Variants in BMAL1 observed in about 807,000 individuals in gnomAD.
BMAL1 encodes basic helix-loop-helix ARNT-like protein 1.
chr11:13,336,255 T>C, the BMAL1 span, among the ~76,000 whole-genome samples: 1 of 152,192 alleles, frequency 6.6e-6, no homozygotes, highest in South Asian at 2.1e-4. Flanking sequence ...TGTCATATTT[T>C]TTCATTTTTG....
At chr11:13,293,255 A>G in the BMAL1 span, among the ~76,000 whole-genome samples, 2 of 152,252 alleles carry the variant, frequency 1.3e-5, no homozygotes, top group Admixed American at 1.3e-4. Context: ...TTAGGTTGTC[A>G]GTAAAAGGAA....
At chr11:13,385,755 C>G in the BMAL1 span, 42 of 1,613,300 alleles carry the variant, frequency 2.6e-5, no homozygotes, top group East Asian at 8.9e-4. Flanking sequence ...TCAGGAGAAC[C>G]CAGGTTATCC....
chr11:13,321,576 G>A, the BMAL1 span, among the ~76,000 whole-genome samples: 1 of 152,144 alleles, frequency 6.6e-6, no homozygotes, highest in Non-Finnish European at 1.5e-5. Context: ...CTGAACATAT[G>A]AGAACACTGC....
At chr11:13,364,944 C>A in the BMAL1 span, among the ~76,000 whole-genome samples, 2 of 151,968 alleles carry the variant, frequency 1.3e-5, no homozygotes. Flanking sequence ...TTTAAAAATA[C>A]CCCAGTGATC....
chr11:13,373,983 T>A, the BMAL1 span: 1 of 865,826 alleles, frequency 1.2e-6, no homozygotes, highest in Non-Finnish European at 1.8e-6. Context: ...CTCTTTTGCC[T>A]GCAGCTTTGA....
chr11:13,381,396 G>C, the BMAL1 span: 2 of 786,258 alleles, frequency 2.5e-6, no homozygotes, highest in Non-Finnish European at 4.2e-6. Context: ...ATCTGTGTGA[G>C]GCTGGATACA....
chr11:13,385,946 A>C, the BMAL1 span, among the ~76,000 whole-genome samples: 1 of 152,266 alleles, frequency 6.6e-6, no homozygotes, highest in Non-Finnish European at 1.5e-5. Context: ...ATCTCTAAAA[A>C]GTTGACCAGT....
the BMAL1 span, among the ~76,000 whole-genome samples, chr11:13,309,682 T>G: frequency 6.6e-6 from 1 of 152,134 alleles, no homozygotes; most frequent in African/African-American, 2.4e-5. Flanking sequence ...TTAACAGGTC[T>G]CTTCTCTTAA....
the BMAL1 span, among the ~76,000 whole-genome samples, chr11:13,277,440 G>C: frequency 6.6e-6 from 1 of 152,204 alleles, no homozygotes; most frequent in Non-Finnish European, 1.5e-5. Flanking sequence ...AGGAACCCAG[G>C]GAGCGCGCGC....
At chr11:13,325,909 A>G in the BMAL1 span, among the ~76,000 whole-genome samples, 1 of 151,970 alleles carries the variant, frequency 6.6e-6, no homozygotes, top group South Asian at 2.1e-4. Flanking sequence ...AAGCGGGGAA[A>G]GAGTAGAACA....
At chr11:13,333,159 G>T in the BMAL1 span, among the ~76,000 whole-genome samples, 2 of 152,022 alleles carry the variant, frequency 1.3e-5, no homozygotes, top group Non-Finnish European at 2.9e-5. Flanking sequence ...TAGAGACGGG[G>T]TTTTGCCATG....
the BMAL1 span, chr11:13,366,825 A>C: frequency 6.5e-7 from 1 of 1,536,090 alleles, no homozygotes; most frequent in Non-Finnish European, 9.0e-7. Context: ...CAGCCCACTC[A>C]CAGGCAGCCA....
chr11:13,280,462 G>T, the BMAL1 span, among the ~76,000 whole-genome samples: 1 of 152,174 alleles, frequency 6.6e-6, no homozygotes, highest in African/African-American at 2.4e-5. Context: ...TTGGTGTAAG[G>T]GTTATAATGT....
At chr11:13,348,447 A>C in the BMAL1 span, among the ~76,000 whole-genome samples, 2 of 152,202 alleles carry the variant, frequency 1.3e-5, no homozygotes, top group South Asian at 4.2e-4. Flanking sequence ...AGACGACAGC[A>C]GACTGAACAG....
chr11:13,356,216 CT>C, the BMAL1 span: 6 of 453,472 alleles, frequency 1.3e-5, no homozygotes, highest in Non-Finnish European at 2.7e-5. Flanking sequence ...GCAGTAGTGC[CT>C]TTGAAAAGCT....
chr11:13,277,521 A>G, the BMAL1 span: 2 of 151,808 alleles, frequency 1.3e-5, no homozygotes, highest in African/African-American at 4.8e-5. Flanking sequence ...TAGCAGGTAA[A>G]CCGGCTCCCG....
chr11:13,309,689 T>C, the BMAL1 span, among the ~76,000 whole-genome samples: 6 of 152,116 alleles, frequency 3.9e-5, no homozygotes, highest in Non-Finnish European at 5.9e-5. Flanking sequence ...GTCTCTTCTC[T>C]TAAAAAGCCT....
chr11:13,308,702 C>G, the BMAL1 span, among the ~76,000 whole-genome samples: 3 of 152,072 alleles, frequency 2.0e-5, no homozygotes, highest in Non-Finnish European at 4.4e-5. Flanking sequence ...AGTCATAGTT[C>G]CTTCCCAGAA....
At chr11:13,350,968 C>A in the BMAL1 span, among the ~76,000 whole-genome samples, 1 of 152,196 alleles carries the variant, frequency 6.6e-6, no homozygotes, top group Non-Finnish European at 1.5e-5. Flanking sequence ...TTAGTATGTA[C>A]TAGAAAGTAT....
Sources: allele counts gnomAD v4.1 joint callset (sites outside exome capture counted in the v4.1 genomes callset), GRCh38; gene constraint gnomAD v4.1.1; transcripts MANE v1.5; gene names NCBI Gene and HGNC (gene_info 2026-07-23, HGNC 2026-07-21).